Variants in ZNF423 observed in about 807,000 individuals in gnomAD.
ZNF423 encodes the protein Ebf-associated zinc finger protein.
In ZNF423, 12 loss-of-function variants were observed where a neutral mutation model predicts 95.8. The observed-to-expected ratio is 0.13, with a 90% CI of 0.08 to 0.20. ZNF423 has a LOEUF of 0.20. Ranked by LOEUF, ZNF423 falls within the 10% of genes least tolerant of loss-of-function variation. The pLI, the probability that ZNF423 is intolerant of heterozygous loss-of-function variation, is 1.00. For synonymous variants in ZNF423, 749 were observed against 711.9 expected, an observed-to-expected ratio of 1.05 and a Z score of -0.83; for missense variants, 1,316 against 1,737.1, an observed-to-expected ratio of 0.76 and a Z score of 4.31.
chr16:49,555,112 C>T (rs1054535965), intron 5 of ZNF423, among the ~76,000 whole-genome samples: 6 of 152,160 alleles, frequency 3.9e-5, no homozygotes, highest in Admixed American at 3.9e-4. Flanking sequence ...CTCATGGACA[C>T]ATATTAAACA....
chr16:49,776,620 A>G (rs545879821), intron 2 of ZNF423, among the ~76,000 whole-genome samples: 2 of 152,222 alleles, frequency 1.3e-5, no homozygotes, highest in Non-Finnish European at 2.9e-5. Context: ...AGGCAGGTGC[A>G]GGGTGTAAAA....
chr16:49,660,885 T>C (rs112871625), intron 3 of ZNF423, among the ~76,000 whole-genome samples: 4,433 of 151,926 alleles, frequency 0.029, 100 homozygotes, highest in African/African-American at 0.052. Context: ...AACAAATGGA[T>C]AGATTTAATA....
chr16:49,629,181 C>T lies in ZNF423; in HGVS notation c.3517-2927G>A, dbSNP rs553348347. The stretch of plus-strand genomic sequence containing the variant: ...TTATGATGAGCTCTTGCATGGTGCA[C>T]ACTTTTCTTTCCTTTTACTTTTAAC... On this transcript the variant is annotated intron_variant, in intron 4 of 7. Coordinates refer to ENST00000563137, the MANE Select transcript of ZNF423 (RefSeq NM_001379286.1). 2.0e-5 allele frequency among the ~76,000 whole-genome samples: 3 copies of T among 152,308 alleles called. No homozygotes were observed. In the South Asian group the frequency reaches 6.2e-4, roughly 32 times the overall value.
chr16:49,854,029 A>C (rs1597065926), intron 1 of ZNF423: 1 of 985,358 alleles, frequency 1.0e-6, no homozygotes, highest in Non-Finnish European at 1.2e-6. Flanking sequence ...AGAGAAAAGA[A>C]ATCCAGTATT....
At chr16:49,738,605 G>T (rs775575567) in intron 2 of ZNF423, among the ~76,000 whole-genome samples, 9 of 152,164 alleles carry the variant, frequency 5.9e-5, no homozygotes, top group South Asian at 4.1e-4. Context: ...GGGGTTTCGA[G>T]GGGATAGGGG....
At position 49,638,879 on chromosome 16, in the gene ZNF423, A is replaced by G; in HGVS notation, c.302-5T>C. ...GTTGTGGGTCGTCATCACCATCTGC[A>G]AGAGAAGGCAGAGAGGATATTAGAG... On this transcript the variant is annotated splice_region_variant and splice_polypyrimidine_tract_variant and intron_variant, in intron 3 of 7. Coordinates refer to ENST00000563137, the MANE Select transcript of ZNF423 (RefSeq NM_001379286.1). The surrounding 1 kb of genome is among the most constrained non-coding windows in gnomAD (Gnocchi z 5.6). The G allele has an allele frequency of 6.3e-7, 1 of 1,597,838 alleles. No homozygotes were observed. The highest frequency in any genetic ancestry group is 8.5e-7 in the Non-Finnish European group (1 of 1,170,848).
intron 2 of ZNF423, among the ~76,000 whole-genome samples, chr16:49,747,962 G>C (rs1242060752): frequency 1.3e-5 from 2 of 152,270 alleles, no homozygotes; most frequent in Admixed American, 1.3e-4. Flanking sequence ...AAATGGTACT[G>C]AGGTGCACAG....
intron 5 of ZNF423, among the ~76,000 whole-genome samples, chr16:49,598,884 C>T (rs1335435957): frequency 1.3e-5 from 2 of 152,204 alleles, no homozygotes; most frequent in South Asian, 2.1e-4. Context: ...TTAGGCTGAA[C>T]CACATGAAAA....
At chr16:49,563,942 T>C (rs1043833872) in intron 5 of ZNF423, among the ~76,000 whole-genome samples, 6 of 152,244 alleles carry the variant, frequency 3.9e-5, no homozygotes, top group African/African-American at 1.4e-4. Flanking sequence ...GCCAAGGTCA[T>C]GCACAGCAGC....
intron 3 of ZNF423, among the ~76,000 whole-genome samples, chr16:49,706,887 A>G (rs1395279489): frequency 6.6e-6 from 1 of 152,170 alleles, no homozygotes; most frequent in Non-Finnish European, 1.5e-5. Context: ...AGGTGGTCCC[A>G]GGACCCATGA....
rs960359556 is a variant in ZNF423, at chr16:49,687,961, C to T, written c.301+42810G>A. Among the ~76,000 whole-genome samples, 11 of 151,978 alleles carry T rather than the reference C, an allele frequency of 7.2e-5. 1 individual carries two copies. The highest frequency in any genetic ancestry group is 6.6e-4 in the Admixed American group (10 of 15,262). ...GCATCTTGGAAGGTCCTGGTGGGTC[C>T]CAACCCATCTGCCCTCCCAAAAAAC... On this transcript the variant is annotated intron_variant, in intron 3 of 7. Transcript: ENST00000563137.
chr16:49,753,259 T>C (rs1052751058), intron 2 of ZNF423, among the ~76,000 whole-genome samples: 1 of 150,642 alleles, frequency 6.6e-6, no homozygotes, highest in African/African-American at 2.4e-5. Context: ...AAAATAATAA[T>C]AATCAGAAAA....
chr16:49,612,266 T>C (rs1477637068), intron 5 of ZNF423, among the ~76,000 whole-genome samples: 1 of 151,804 alleles, frequency 6.6e-6, no homozygotes, highest in Non-Finnish European at 1.5e-5. Context: ...GTTAGCAATA[T>C]ATAAAAAGAA....
intron 2 of ZNF423, among the ~76,000 whole-genome samples, chr16:49,768,910 A>C (rs1415905281): frequency 4.6e-5 from 7 of 152,088 alleles, no homozygotes; most frequent in Non-Finnish European, 1.0e-4. Flanking sequence ...ATCCACACCG[A>C]GCTGCCCTAC....
intron 1 of ZNF423, among the ~76,000 whole-genome samples, chr16:49,822,173 AT>A (rs34004656): frequency 0.45 from 64,277 of 142,958 alleles, 14,278 homozygotes; most frequent in Middle Eastern, 0.59. Context: ...CCCCGCAGGA[AT>A]TTTTTTTTTT....
intron 5 of ZNF423, among the ~76,000 whole-genome samples, chr16:49,591,424 A>G (rs1971007750): frequency 6.6e-6 from 1 of 152,218 alleles, no homozygotes; most frequent in African/African-American, 2.4e-5. Flanking sequence ...ACTAAACATA[A>G]ATATGCAAAA....
intron 1 of ZNF423, among the ~76,000 whole-genome samples, chr16:49,821,628 G>T (rs890564946): frequency 6.6e-6 from 1 of 152,154 alleles, no homozygotes; most frequent in African/African-American, 2.4e-5. Flanking sequence ...TAAACCACAG[G>T]TTGTAACAAG....
intron 2 of ZNF423, among the ~76,000 whole-genome samples, chr16:49,747,806 G>A (rs558927176): frequency 2.6e-5 from 4 of 152,348 alleles, no homozygotes; most frequent in South Asian, 2.1e-4. Context: ...CCAATCCAGC[G>A]CTTTCTCAGA....
intron 2 of ZNF423, among the ~76,000 whole-genome samples, chr16:49,752,378 C>T (rs1032045228): frequency 6.6e-6 from 1 of 152,250 alleles, no homozygotes; most frequent in Non-Finnish European, 1.5e-5. Flanking sequence ...CCTTGCATAA[C>T]CACCTGGGCA....
Sources: gnomAD v4.1 joint callset for allele counts (sites outside exome capture counted in the v4.1 genomes callset) on GRCh38, gnomAD v4.1.1 for gene constraint, Gnocchi (gnomAD v3.1) non-coding constraint, MANE v1.5 for transcripts, NCBI Gene and HGNC (gene_info 2026-07-23, HGNC 2026-07-21) for gene names.